FIG4: variants seen among roughly 807,000 people sequenced by gnomAD.
The protein encoded by FIG4 is FIG4 phosphoinositide 5-phosphatase.
A neutral mutation model predicts 118.6 loss-of-function variants in FIG4; 112 were observed. The ratio of observed to expected loss-of-function variants is 0.94; its 90% confidence interval spans 0.81 to 1.11. The LOEUF (loss-of-function observed/expected upper bound fraction) is 1.11, where lower values mean the gene tolerates loss of function less well. Ranked by LOEUF, FIG4 falls within the 50% of genes least tolerant of loss-of-function variation. The pLI, the probability that FIG4 is intolerant of heterozygous loss-of-function variation, is 0.00. For synonymous variants in FIG4, 369 were observed against 381.2 expected (o/e 0.97, Z 0.37); for missense variants, 969 against 1,111.7 (o/e 0.87, Z 1.83).
At chr6:109,797,950 G>T (rs1778332420) in intron 22 of FIG4, among the ~76,000 whole-genome samples, 1 of 150,102 alleles carries the variant, frequency 6.7e-6, no homozygotes, top group African/African-American at 2.5e-5. Flanking sequence ...GGTAGTATAT[G>T]TGAGGCATCT....
At chr6:109,760,132 T>G (rs1189576719) in intron 10 of FIG4, 118 bp from the exon 11 acceptor site, 2 of 759,864 alleles carry the variant, frequency 2.6e-6, no homozygotes, top group African/African-American at 3.5e-5. Flanking sequence ...AGGTTTCATT[T>G]TAGTATATTT....
intron 22 of FIG4, among the ~76,000 whole-genome samples, chr6:109,808,238 T>C (rs776588747): frequency 6.4e-4 from 97 of 151,206 alleles, no homozygotes; most frequent in Non-Finnish European, 1.3e-3. Context: ...ACCCTCAAAA[T>C]GTGGTCTGTA....
At chr6:109,815,804 A>C (rs1304929357) in intron 22 of FIG4, among the ~76,000 whole-genome samples, 1 of 129,134 alleles carries the variant, frequency 7.7e-6, no homozygotes, top group Non-Finnish European at 1.8e-5. Flanking sequence ...GCAAGCAAAC[A>C]AAAAAAAACA....
Position 109,796,925 on chromosome 6 carries a change from TA to T in FIG4, c.2546+76del, listed in dbSNP as rs1778305545. Reference sequence around the variant, plus strand: ...CATAGGGCTTTCTTTAAAGACTTTTTAAGAAAAAGATTCACTCTTGTCACCA... The same window carrying T: ...CATAGGGCTTTCTTTAAAGACTTTTTAGAAAAAGATTCACTCTTGTCACCA... On this transcript the variant is annotated intron_variant, in intron 22 of 22. Coordinates refer to ENST00000230124, the MANE Select transcript of FIG4 (RefSeq NM_014845.6). 3.3e-6 allele frequency: 3 copies of T among 904,676 alleles called. No homozygotes were observed. The South Asian group carries it at 4.0e-5, about 12-fold the overall frequency. The allele number at this position is 904,676 out of a possible 1,614,324, so 56.0% of individuals were successfully genotyped here.
At chr6:109,795,096 T>TTG in intron 21 of FIG4, among the ~76,000 whole-genome samples, 1 of 14,878 alleles carries the variant, frequency 6.7e-5, no homozygotes, top group African/African-American at 6.1e-4. Context: ...CACTTGCCAG[T>TTG]TTTTTTTTTT....
At chr6:109,791,265 C>G in intron 19 of FIG4, 111 bp from the exon 20 acceptor site, 1 of 898,774 alleles carries the variant, frequency 1.1e-6, no homozygotes, top group East Asian at 2.4e-5. Flanking sequence ...ACTAGTGTCA[C>G]AGTCATTTTC....
At chr6:109,820,238 A>C (rs1309245856) in intron 22 of FIG4, among the ~76,000 whole-genome samples, 3 of 152,238 alleles carry the variant, frequency 2.0e-5, no homozygotes, top group African/African-American at 2.4e-5. Context: ...ACCACAGCTC[A>C]CATGAGAATA....
At chr6:109,752,369 G>C (rs1279606692) in intron 10 of FIG4, among the ~76,000 whole-genome samples, 2 of 151,350 alleles carry the variant, frequency 1.3e-5, no homozygotes, top group African/African-American at 4.9e-5. Context: ...TGGGATGGCT[G>C]GGTCAAATGG....
intron 15 of FIG4, among the ~76,000 whole-genome samples, chr6:109,772,493 G>A (rs951758802): frequency 6.6e-6 from 1 of 151,926 alleles, no homozygotes. Flanking sequence ...TTTTGCTCTC[G>A]TTGCCCAGAC....
intron 10 of FIG4, among the ~76,000 whole-genome samples, chr6:109,752,627 T>G (rs58652640): frequency 0.021 from 3,220 of 152,342 alleles, 101 homozygotes; most frequent in African/African-American, 0.073. Context: ...GTTGGCTGCA[T>G]AAATGTCTTC....
intron 3 of FIG4, among the ~76,000 whole-genome samples, chr6:109,722,190 TC>T: frequency 6.6e-6 from 1 of 151,938 alleles, no homozygotes; most frequent in Non-Finnish European, 1.5e-5. Context: ...TCCTTCCCAT[TC>T]CTGTGTCCTC....
chr6:109,813,018 T>C (rs1408254848), intron 22 of FIG4, among the ~76,000 whole-genome samples: 20 of 152,234 alleles, frequency 1.3e-4, no homozygotes, highest in Admixed American at 1.3e-3. Context: ...TTTTCTCATA[T>C]TAAATGGAAC....
intron 1 of FIG4, among the ~76,000 whole-genome samples, chr6:109,714,298 C>T (rs1168012637): frequency 2.6e-5 from 4 of 152,124 alleles, no homozygotes; most frequent in Non-Finnish European, 5.9e-5. Context: ...CAGCTTCTTC[C>T]CTCTTCAGCC....
chr6:109,821,401 A>C (rs1779002169), intron 22 of FIG4, among the ~76,000 whole-genome samples: 1 of 152,256 alleles, frequency 6.6e-6, no homozygotes, highest in Admixed American at 6.5e-5. Context: ...CAATCTCATC[A>C]TAGAATTATA....
intron 2 of FIG4, among the ~76,000 whole-genome samples, 164 bp from the exon 3 acceptor site, chr6:109,716,277 TAAAG>T (rs1775428022): frequency 6.6e-6 from 1 of 152,252 alleles, no homozygotes; most frequent in Non-Finnish European, 1.5e-5. Flanking sequence ...TTGCTAATGT[TAAAG>T]AACTTGTTAG....
chr6:109,719,517 G>A (rs1268741497), intron 3 of FIG4, among the ~76,000 whole-genome samples: 1 of 151,944 alleles, frequency 6.6e-6, no homozygotes, highest in African/African-American at 2.4e-5. Flanking sequence ...CTGAGTAGCT[G>A]GGACTACAGG....
intron 16 of FIG4, 60 bp from the exon 17 acceptor site, chr6:109,784,910 A>T: frequency 1.1e-6 from 1 of 872,470 alleles, no homozygotes; most frequent in South Asian, 1.5e-5. Flanking sequence ...TTATCCAGTA[A>T]ATTTTAGAAA....
intron 22 of FIG4, among the ~76,000 whole-genome samples, chr6:109,812,377 C>T (rs1244916931): frequency 6.6e-6 from 1 of 152,158 alleles, no homozygotes; most frequent in Non-Finnish European, 1.5e-5. Flanking sequence ...CTCAGGGAAC[C>T]TCTCACAGGA....
chr6:109,741,605 T>C, intron 8 of FIG4, 61 bp downstream of exon 8: 2 of 1,058,010 alleles, frequency 1.9e-6, no homozygotes, highest in South Asian at 2.5e-5. Context: ...TTTGCTGATG[T>C]AGAAGCACAG....
Sources: gnomAD v4.1 joint callset for allele counts (sites outside exome capture counted in the v4.1 genomes callset) on GRCh38, gnomAD v4.1.1 for gene constraint, MANE v1.5 for transcripts, NCBI Gene and HGNC (gene_info 2026-07-23, HGNC 2026-07-21) for gene names.